DMXL2: variants seen among roughly 807,000 people sequenced by gnomAD.
DMXL2 encodes the protein Dmx like 2.
DMXL2 carries 103 observed loss-of-function variants against 331.1 expected under a neutral mutation model. That is an observed-to-expected ratio of 0.31 (90% CI 0.27 to 0.37). The LOEUF (loss-of-function observed/expected upper bound fraction) is 0.37, where lower values mean the gene tolerates loss of function less well. Among genes scored for constraint, DMXL2 ranks in the 10% least tolerant of loss-of-function variants. The pLI is 1.00. For synonymous variants in DMXL2, 1,281 were observed against 1,252.1 expected (o/e 1.02, Z -0.49); for missense variants, 3,171 against 3,642.9 (o/e 0.87, Z 3.33).
At chr15:51,531,363 C>T (rs1319807292) in intron 13 of DMXL2, among the ~76,000 whole-genome samples, 1 of 152,208 alleles carries the variant, frequency 6.6e-6, no homozygotes, top group Non-Finnish European at 1.5e-5. Context: ...CTATCATTAA[C>T]TGCATACAAA....
chr15:51,580,225 C>G (rs905578558), intron 1 of DMXL2, among the ~76,000 whole-genome samples: 1 of 152,122 alleles, frequency 6.6e-6, no homozygotes, highest in Non-Finnish European at 1.5e-5. Flanking sequence ...CATTCTTTTT[C>G]AGAATCTAGT....
Position 51,514,473 on chromosome 15 carries a change from C to T in DMXL2, c.2613G>A (p.Lys871=). The part of the protein sequence containing the change: ...YKPHKEDMEK[K]ETEIFFQPSQ... Reference sequence around the variant, plus strand: ...ATGGCTGAAAAAATATTTCTGTTTCCTTTTTCTCCATATCTTCCTTATGTG... The same window carrying T: ...ATGGCTGAAAAAATATTTCTGTTTCTTTTTTCTCCATATCTTCCTTATGTG... The change falls in exon 15 of 44, where the codon AAG becomes AAA. Residue 871 remains lysine (K), a synonymous_variant. Coordinates refer to ENST00000560891, the MANE Select transcript of DMXL2 (RefSeq NM_001378457.1). 1 of 1,579,712 alleles carries T rather than the reference C, an allele frequency of 6.3e-7. No individual in the cohort carries two copies. Among genetic ancestry groups the T allele is most frequent in the Non-Finnish European group, 8.6e-7 (1 of 1,160,324 alleles).
chr15:51,449,785 A>C (rs2038974280), intron 43 of DMXL2, among the ~76,000 whole-genome samples: 1 of 152,156 alleles, frequency 6.6e-6, no homozygotes, highest in Non-Finnish European at 1.5e-5. Context: ...CGTCACCTCC[A>C]CCACACACAA....
At chr15:51,518,045 TA>T (rs1237028792) in intron 13 of DMXL2, among the ~76,000 whole-genome samples, 1 of 152,102 alleles carries the variant, frequency 6.6e-6, no homozygotes, top group Non-Finnish European at 1.5e-5. Flanking sequence ...GAAATGGTGT[TA>T]ACAGGGCCAG....
At chr15:51,575,598 C>CA (rs968963941) in intron 2 of DMXL2, among the ~76,000 whole-genome samples, 3 of 152,088 alleles carry the variant, frequency 2.0e-5, no homozygotes, top group African/African-American at 7.2e-5. Flanking sequence ...CTTCACTCAA[C>CA]AAAAAATCTT....
At chr15:51,488,740 T>A in intron 20 of DMXL2, 95 bp from the exon 21 acceptor site, 1 of 1,090,276 alleles carries the variant, frequency 9.2e-7, no homozygotes, top group Non-Finnish European at 1.3e-6. Flanking sequence ...CCATGGCTGA[T>A]AGAAACTGTG....
At chr15:51,457,519 A>T in intron 36 of DMXL2, 53 bp from the exon 37 acceptor site, 1 of 1,588,682 alleles carries the variant, frequency 6.3e-7, no homozygotes, top group Admixed American at 1.7e-5. Context: ...TCTTAACACA[A>T]ATTCCAACTA....
chr15:51,609,137 A>C (rs1389623435), intron 1 of DMXL2, among the ~76,000 whole-genome samples: 1 of 152,226 alleles, frequency 6.6e-6, no homozygotes, highest in Non-Finnish European at 1.5e-5. Context: ...AACTAGCAAA[A>C]GAATAGAAAC....
At chr15:51,459,746 C>A in intron 33 of DMXL2, 86 bp from the exon 34 acceptor site, 1 of 1,265,158 alleles carries the variant, frequency 7.9e-7, no homozygotes, top group Non-Finnish European at 1.0e-6. Flanking sequence ...GCTGAAATGG[C>A]CACTCCACCA....
intron 1 of DMXL2, among the ~76,000 whole-genome samples, chr15:51,601,829 G>A (rs1255734228): frequency 6.6e-6 from 1 of 152,128 alleles, no homozygotes; most frequent in Non-Finnish European, 1.5e-5. Flanking sequence ...AATAAGCTTG[G>A]AAATGGTTGA....
intron 13 of DMXL2, among the ~76,000 whole-genome samples, chr15:51,525,593 C>G (rs1255846329): frequency 6.6e-6 from 1 of 152,050 alleles, no homozygotes; most frequent in Non-Finnish European, 1.5e-5. Flanking sequence ...TCAGACTAGG[C>G]AGCATTTACA....
At position 51,535,849 on chromosome 15, in the gene DMXL2, G is replaced by A. The variant is rs2048258770; in HGVS notation, c.2315-65C>T. On this transcript the variant is annotated intron_variant, in intron 12 of 43. Coordinates refer to ENST00000560891, the MANE Select transcript of DMXL2 (RefSeq NM_001378457.1). The stretch of plus-strand genomic sequence containing the variant: ...AGTGTATTTTTCTTATTGGCTAAAG[G>A]ATAAGAAACAAGTATTCACATTTTT... The A allele has an allele frequency of 1.2e-5, 18 of 1,505,496 alleles. No homozygotes were observed. The South Asian group carries it at 2.5e-4, about 21-fold the overall frequency. The allele number at this position is 1,505,496 out of a possible 1,614,324, so 93.3% of individuals were successfully genotyped here. A position where few individuals can be genotyped will look rare whatever the true frequency, so the allele number is the denominator to read the frequency against.
chr15:51,547,578 A>T (rs956652515), intron 6 of DMXL2, among the ~76,000 whole-genome samples, 170 bp from the exon 7 acceptor site: 2 of 152,190 alleles, frequency 1.3e-5, no homozygotes, highest in African/African-American at 4.8e-5. Context: ...ACTATTCTTG[A>T]AAAATAAATG....
intron 13 of DMXL2, among the ~76,000 whole-genome samples, chr15:51,527,191 G>A (rs991876493): frequency 4.6e-5 from 7 of 151,978 alleles, no homozygotes; most frequent in Admixed American, 2.0e-4. Flanking sequence ...TACGTCTGGC[G>A]GCAGAATTTC....
chr15:51,471,116 T>A, intron 29 of DMXL2, 107 bp downstream of exon 29: 1 of 1,057,806 alleles, frequency 9.5e-7, no homozygotes, highest in Non-Finnish European at 1.4e-6. Context: ...TAAACTATGG[T>A]GATTCAATCC....
intron 13 of DMXL2, among the ~76,000 whole-genome samples, chr15:51,527,480 G>A (rs1179631283): frequency 6.6e-6 from 1 of 152,146 alleles, no homozygotes; most frequent in Admixed American, 6.5e-5. Context: ...TGTAATCCTA[G>A]CACTTTGGGA....
chr15:51,589,298 C>T (rs1340555701), intron 1 of DMXL2, among the ~76,000 whole-genome samples: 4 of 152,222 alleles, frequency 2.6e-5, no homozygotes, highest in Admixed American at 2.0e-4. Flanking sequence ...TGCCCAAAGA[C>T]AAGAAAGACC....
chr15:51,516,089 T>G lies in DMXL2; in HGVS notation c.2526+989A>C, dbSNP rs139216904. Among the ~76,000 whole-genome samples, 491 of 152,308 alleles carry G rather than the reference T, an allele frequency of 3.2e-3. 4 individuals are homozygous for G. Among genetic ancestry groups the G allele is most frequent in the African/African-American group, 0.011 (459 of 41,568 alleles). On this transcript the variant is annotated intron_variant, in intron 14 of 43. Transcript: ENST00000560891. ...GAAAGTGCAAGACACTAAAGAAAAT[T>G]TATGATGTAACTCTATACTTGCTTT...
At chr15:51,559,537 A>AGAT (rs1478155255) in intron 6 of DMXL2, among the ~76,000 whole-genome samples, 1 of 152,094 alleles carries the variant, frequency 6.6e-6, no homozygotes, top group Non-Finnish European at 1.5e-5. Context: ...CAACATAAGG[A>AGAT]GATAACAACT....
Sources: gnomAD v4.1 joint callset for allele counts (sites outside exome capture counted in the v4.1 genomes callset) on GRCh38, gnomAD v4.1.1 for gene constraint, MANE v1.5 for transcripts, NCBI Gene and HGNC (gene_info 2026-07-23, HGNC 2026-07-21) for gene names.